Variants in DGKI observed in about 807,000 individuals in gnomAD.
DGKI encodes the protein DAG kinase iota.
DGKI carries 55 observed loss-of-function variants against 147.5 expected under a neutral mutation model. The observed-to-expected ratio is 0.37, with a 90% CI of 0.30 to 0.47. DGKI has a LOEUF of 0.47. DGKI is among the 20% of genes least tolerant of loss of function. The probability of loss-of-function intolerance (pLI) is 1.00; values close to 1 mark genes in which losing one functional copy is unlikely to be tolerated. For synonymous variants in DGKI, 469 were observed against 477.1 expected (o/e 0.98, Z 0.22); for missense variants, 1,007 against 1,323.8 (o/e 0.76, Z 3.71).
chr7:137,555,634 A>G (rs551358300), intron 19 of DGKI, among the ~76,000 whole-genome samples: 1 of 152,318 alleles, frequency 6.6e-6, no homozygotes, highest in African/African-American at 2.4e-5. Context: ...AAACCTAGAT[A>G]AGAAAGAAAT....
chr7:137,493,320 G>A (rs1194976713), intron 21 of DGKI, among the ~76,000 whole-genome samples: 2 of 152,194 alleles, frequency 1.3e-5, no homozygotes, highest in South Asian at 2.1e-4. Context: ...ATGGAGGCTG[G>A]AAGCCCCTGG....
At chr7:137,507,902 T>C (rs1430927951) in intron 21 of DGKI, among the ~76,000 whole-genome samples, 2 of 152,012 alleles carry the variant, frequency 1.3e-5, no homozygotes, top group Admixed American at 1.3e-4. Flanking sequence ...GTGAAGAAAA[T>C]AAGGTGGTTT....
At chr7:137,830,936 G>A (rs1266827331) in intron 1 of DGKI, among the ~76,000 whole-genome samples, 1 of 152,154 alleles carries the variant, frequency 6.6e-6, no homozygotes, top group Non-Finnish European at 1.5e-5. Context: ...TTTCCCCTGT[G>A]TGAGACAGTT....
At chr7:137,441,474 A>G (rs73443759) in intron 28 of DGKI, among the ~76,000 whole-genome samples, 11,929 of 151,606 alleles carry the variant, frequency 0.079, 1,316 homozygotes, top group African/African-American at 0.25. Flanking sequence ...TGATTTCTCA[A>G]TTGAACTTGC....
intron 14 of DGKI, among the ~76,000 whole-genome samples, chr7:137,583,821 T>G (rs1819290125): frequency 1.3e-5 from 2 of 152,116 alleles, no homozygotes; most frequent in Non-Finnish European, 1.5e-5. Flanking sequence ...AAAAAAAGCT[T>G]CGTATCTCAA....
At chr7:137,761,701 A>C (rs928631719) in intron 1 of DGKI, among the ~76,000 whole-genome samples, 2 of 152,054 alleles carry the variant, frequency 1.3e-5, no homozygotes, top group African/African-American at 4.8e-5. Context: ...GTTCCTCTCA[A>C]CTAAACATTC....
chr7:137,561,375 A>G (rs2128971163), intron 19 of DGKI, among the ~76,000 whole-genome samples: 1 of 152,320 alleles, frequency 6.6e-6, no homozygotes, highest in South Asian at 2.1e-4. Flanking sequence ...AGTTGATCTC[A>G]CAGAAGTAAA....
At chr7:137,725,769 T>C (rs1794699508) in intron 1 of DGKI, among the ~76,000 whole-genome samples, 1 of 152,172 alleles carries the variant, frequency 6.6e-6, no homozygotes, top group Non-Finnish European at 1.5e-5. Context: ...CAAGCATAGA[T>C]TTCCATGTAA....
intron 21 of DGKI, among the ~76,000 whole-genome samples, chr7:137,513,387 G>A (rs1292322056): frequency 6.6e-6 from 1 of 151,930 alleles, no homozygotes; most frequent in Non-Finnish European, 1.5e-5. Context: ...TAGTGAATTG[G>A]TCCCACCAGC....
intron 1 of DGKI, among the ~76,000 whole-genome samples, chr7:137,720,161 G>GGTCCCCAT (rs1794501898): frequency 6.6e-6 from 1 of 151,716 alleles, no homozygotes; most frequent in African/African-American, 2.4e-5. Flanking sequence ...CAGACACTGA[G>GGTCCCCAT]GTCCCCATAC....
chr7:137,629,943 C>A (rs1207253016), intron 6 of DGKI, among the ~76,000 whole-genome samples: 1 of 152,008 alleles, frequency 6.6e-6, no homozygotes, highest in Non-Finnish European at 1.5e-5. Context: ...CATAGAAAAC[C>A]TAAGTTTTCT....
At chr7:137,467,728 A>T (rs1814713904) in intron 24 of DGKI, among the ~76,000 whole-genome samples, 2 of 152,218 alleles carry the variant, frequency 1.3e-5, no homozygotes, top group Non-Finnish European at 2.9e-5. Flanking sequence ...AAGAACTATC[A>T]GCTGCATTTT....
chr7:137,824,616 G>T (rs1365947638), intron 1 of DGKI, among the ~76,000 whole-genome samples: 1 of 151,896 alleles, frequency 6.6e-6, no homozygotes, highest in East Asian at 1.9e-4. Context: ...GCATGTGCAG[G>T]TTTGTTACAC....
At chr7:137,432,177 A>G (rs1813104278) in intron 28 of DGKI, among the ~76,000 whole-genome samples, 1 of 152,178 alleles carries the variant, frequency 6.6e-6, no homozygotes, top group Non-Finnish European at 1.5e-5. Context: ...CGTCCTGTAT[A>G]GCCTGTGGAA....
chr7:137,431,840 C>T (rs1813085443), intron 28 of DGKI, among the ~76,000 whole-genome samples: 1 of 152,166 alleles, frequency 6.6e-6, no homozygotes, highest in African/African-American at 2.4e-5. Flanking sequence ...AATTGCCAAC[C>T]CTACCACCCA....
At chr7:137,836,084 G>A (rs921509934) in intron 1 of DGKI, among the ~76,000 whole-genome samples, 7 of 152,124 alleles carry the variant, frequency 4.6e-5, no homozygotes, top group Non-Finnish European at 2.9e-5. Context: ...TTATTATTAA[G>A]TACCTAAATT....
chr7:137,643,021 G>T (rs904681572), intron 6 of DGKI, among the ~76,000 whole-genome samples: 5 of 150,874 alleles, frequency 3.3e-5, no homozygotes, highest in Admixed American at 1.3e-4. Flanking sequence ...GCCGGGCGCG[G>T]TGGCTCATGC....
intron 12 of DGKI, 91 bp from the exon 13 acceptor site, chr7:137,587,301 A>C (rs1819442045): frequency 1.1e-6 from 1 of 911,732 alleles, no homozygotes; most frequent in African/African-American, 1.7e-5. Flanking sequence ...CCAAGAGCTA[A>C]ACAGAATGGT....
At chr7:137,533,084 T>A (rs1817396688) in intron 20 of DGKI, among the ~76,000 whole-genome samples, 1 of 152,108 alleles carries the variant, frequency 6.6e-6, no homozygotes, top group African/African-American at 2.4e-5. Context: ...ATTCAGGAGT[T>A]TGAGACTACC....
Sources: gnomAD v4.1 joint callset for allele counts (sites outside exome capture counted in the v4.1 genomes callset) on GRCh38, gnomAD v4.1.1 for gene constraint, MANE v1.5 for transcripts, NCBI Gene and HGNC (gene_info 2026-07-23, HGNC 2026-07-21) for gene names.